The following PRMT2 variants were observed in gnomAD, a reference collection of about 807,000 sequenced individuals.
The protein encoded by PRMT2 is protein arginine N-methyltransferase 2.
In PRMT2, 26 loss-of-function variants were observed where a neutral mutation model predicts 57.6. The observed-to-expected ratio is 0.45, with a 90% CI of 0.33 to 0.63. The LOEUF is 0.63. PRMT2 is among the 20% of genes least tolerant of loss of function. The pLI is 0.02. For missense variants in PRMT2, 472 were observed against 564.4 expected (o/e 0.84, Z 1.66); for synonymous variants, 219 against 220.0 (o/e 1.00, Z 0.04).
rs535969059 is a variant in PRMT2, at chr21:46,659,145, C to T, written c.830+225C>T. 2.0e-5 allele frequency: 25 copies of T among 1,254,794 alleles called. 1 individual carries two copies. The South Asian group carries it at 3.3e-4, about 16-fold the overall frequency. 77.7% of individuals were successfully genotyped at this position (1,254,794 alleles called of 1,614,324 possible). ...GTAGAATGCAAGGAACAAAAATTTTCGTATGTGAAAAAGGTGGCATTACGA... is the reference window on the plus strand; with the variant it reads ...GTAGAATGCAAGGAACAAAAATTTTTGTATGTGAAAAAGGTGGCATTACGA... On this transcript the variant is annotated intron_variant, in intron 8 of 11. Coordinates refer to ENST00000355680, the MANE Select transcript of PRMT2 (RefSeq NM_206962.4).
intron 7 of PRMT2, chr21:46,653,279 A>C: frequency 1.0e-6 from 1 of 985,418 alleles, no homozygotes. Flanking sequence ...GAGCTTAACG[A>C]AAGTCTTTAT....
At chr21:46,661,976 G>A in intron 10 of PRMT2, 40 bp downstream of exon 10, 1 of 1,054,954 alleles carries the variant, frequency 9.5e-7, no homozygotes, top group Non-Finnish European at 1.2e-6. Context: ...CGGGGTGGGG[G>A]GCAGGGGAGT....
rs2061405839 is a variant in PRMT2 at position 46,648,836 on chromosome 21, C to T, written c.489+217C>T. 1.3e-5 allele frequency among the ~76,000 whole-genome samples: 2 copies of T among 152,212 alleles called. No homozygotes were observed. Among genetic ancestry groups the T allele is most frequent in the South Asian group, 2.1e-4 (1 of 4,834 alleles). ...GCCGTGGCGCCCGCGTACAATGAGT[C>T]GCAGACAGCACAGACGGGAGTAGGG... On this transcript the variant is annotated intron_variant, in intron 6 of 11. Coordinates refer to ENST00000355680, the MANE Select transcript of PRMT2 (RefSeq NM_206962.4). The surrounding 1 kb of genome is among the most constrained non-coding windows in gnomAD (Gnocchi z 4.8).
Position 46,648,777 on chromosome 21 carries a change from T to TA in PRMT2, c.489+162dup. Reference sequence around the variant, plus strand: ...CCCTGCACGTGGGGCTCAGGGTCGGTAAAATAGCAGTGCGTGGAGACCGCG... The same window carrying TA: ...CCCTGCACGTGGGGCTCAGGGTCGGTAAAAATAGCAGTGCGTGGAGACCGCG... On this transcript the variant is annotated intron_variant, in intron 6 of 11. Transcript: ENST00000355680. This position sits in a 1 kb window ranked among gnomAD's most constrained non-coding sequence, Gnocchi z 4.8. 6.6e-6 allele frequency among the ~76,000 whole-genome samples: 1 copy of TA among 152,182 alleles called. No individual in the cohort carries two copies. Among genetic ancestry groups the TA allele is most frequent in the African/African-American group, 2.4e-5 (1 of 41,522 alleles).
At position 46,643,544 on chromosome 21, in the gene PRMT2, C is replaced by T; in HGVS notation, c.49C>T (p.Pro17Ser). ...CCTTGGCTTTGAGCAGGGAGAAGAG[C>T]CTGCTGAGTGCAGTGAGGCCGGTCT... ...CPRSESQGEE[P>S]AECSEAGLLQ... The change falls in exon 4 of 12, where the codon CCT becomes TCT. Residue 17 changes from proline (P) to serine (S), a missense_variant. By Grantham distance (74) the Pro-to-Ser change is moderately conservative. Transcript: ENST00000355680. The T allele has an allele frequency of 6.3e-7, 1 of 1,591,760 alleles. No individual in the cohort carries two copies. The highest frequency in any genetic ancestry group is 8.5e-7 in the Non-Finnish European group (1 of 1,171,442).
At chr21:46,643,017 ACT>A (rs2061303131) in intron 3 of PRMT2, among the ~76,000 whole-genome samples, 1 of 131,106 alleles carries the variant, frequency 7.6e-6, no homozygotes, top group Non-Finnish European at 1.6e-5. Flanking sequence ...ACAGAGCAAG[ACT>A]CTGTCTCAAA....
intron 4 of PRMT2, 91 bp downstream of exon 4, chr21:46,643,730 A>T: frequency 7.0e-7 from 1 of 1,434,872 alleles, no homozygotes; most frequent in African/African-American, 1.4e-5. Flanking sequence ...CCAAAGTTAA[A>T]TGAAGAGGTA....
intron 7 of PRMT2, chr21:46,652,251 G>A (rs2061470888): frequency 2.7e-5 from 37 of 1,349,998 alleles, no homozygotes; most frequent in Admixed American, 3.3e-5. Context: ...TTTGTTGTTA[G>A]GATGGGAAAG....
chr21:46,652,911 C>T (rs971791148), intron 7 of PRMT2: 1 of 1,302,718 alleles, frequency 7.7e-7, no homozygotes, highest in South Asian at 1.2e-5. Context: ...GTTGCACACT[C>T]AGCAGTCTCC....
chr21:46,654,960 G>C, intron 7 of PRMT2: 1 of 977,910 alleles, frequency 1.0e-6, no homozygotes, highest in Non-Finnish European at 1.2e-6. Context: ...AAGCAAAGAA[G>C]GTCCATGAAA....
At chr21:46,663,704 G>T in intron 11 of PRMT2, 150 bp downstream of exon 11, 2 of 799,634 alleles carry the variant, frequency 2.5e-6, no homozygotes, top group Non-Finnish European at 3.9e-6. Flanking sequence ...GAAAGCGCCT[G>T]TTGTCATTGG....
intron 4 of PRMT2, 97 bp downstream of exon 4, chr21:46,643,736 AG>A: frequency 7.1e-7 from 1 of 1,413,786 alleles, no homozygotes; most frequent in South Asian, 1.5e-5. Flanking sequence ...TTAAATGAAG[AG>A]GTATTCAGAT....
intron 7 of PRMT2, chr21:46,654,095 C>G: frequency 3.0e-6 from 3 of 985,566 alleles, no homozygotes; most frequent in Non-Finnish European, 3.6e-6. Flanking sequence ...TCCTCCTTCC[C>G]AGCAGCTGGA....
chr21:46,636,454 A>G lies in PRMT2; in HGVS notation c.-150A>G, dbSNP rs2061173367. 1 of 154,688 alleles carries G rather than the reference A, an allele frequency of 6.5e-6. No individual in the cohort carries two copies. The allele number at this position is 154,688 out of a possible 1,614,324, so 9.6% of individuals were successfully genotyped here. ...TTGATCCCAGAGCAGTGTGTGGATT[A>G]CACTATCACTGGAAAAATACGAATT... On this transcript the variant is annotated 5_prime_UTR_variant, in exon 2 of 12. Coordinates refer to ENST00000355680, the MANE Select transcript of PRMT2 (RefSeq NM_206962.4).
chr21:46,654,133 G>T, intron 7 of PRMT2: 2 of 985,222 alleles, frequency 2.0e-6, no homozygotes, highest in South Asian at 4.7e-5. Flanking sequence ...AAATTTTTTT[G>T]ATGAAATTAT....
At position 46,649,800 on chromosome 21, in the gene PRMT2, G is replaced by A. The variant is rs768254358; in HGVS notation, c.654+61G>A. ...CTGGGGGGCTTCTGAGCACGGGCTC[G>A]GCTGGGCCAACCTCAGGATCTCAAG... On this transcript the variant is annotated intron_variant, in intron 7 of 11. Coordinates refer to ENST00000355680, the MANE Select transcript of PRMT2 (RefSeq NM_206962.4). This position sits in a 1 kb window ranked among gnomAD's most constrained non-coding sequence, Gnocchi z 4.8. 26 of 1,573,724 alleles carry A rather than the reference G, an allele frequency of 1.7e-5. No individual in the cohort carries two copies. The highest frequency in any genetic ancestry group is 6.9e-5 in the South Asian group (6 of 86,974).
At position 46,643,491 on chromosome 21, in the gene PRMT2, A is replaced by AG. The variant is rs1601921606; in HGVS notation, c.40-44_40-43insG. On this transcript the variant is annotated intron_variant, in intron 3 of 11. Transcript: ENST00000355680. ...TAATATAGCCAAAAAAAAAAAAAAA[A>AG]AGCTCCAGCGTCCTCTCCTCACGCT... 4.9e-6 allele frequency: 7 copies of AG among 1,422,054 alleles called. No individual in the cohort carries two copies. In the South Asian group the frequency reaches 1.2e-4, roughly 24 times the overall value. 88.1% of individuals were successfully genotyped at this position (1,422,054 alleles called of 1,614,324 possible). A position where few individuals can be genotyped will look rare whatever the true frequency, so the allele number is the denominator to read the frequency against.
intron 1 of PRMT2, chr21:46,636,006 T>G (rs1238349928): frequency 6.5e-6 from 1 of 152,754 alleles, no homozygotes; most frequent in African/African-American, 2.4e-5. Flanking sequence ...TCCAGCGCCT[T>G]CTACGGCCAC....
chr21:46,638,960 C>G (rs952227883), intron 3 of PRMT2, among the ~76,000 whole-genome samples: 9 of 152,104 alleles, frequency 5.9e-5, no homozygotes, highest in African/African-American at 2.2e-4. Context: ...GAGAGGGAAG[C>G]TTAGATAATT....
Sources: allele counts gnomAD v4.1 joint callset (sites outside exome capture counted in the v4.1 genomes callset), GRCh38; gene constraint gnomAD v4.1.1; non-coding constraint Gnocchi (gnomAD v3.1); transcripts MANE v1.5; gene names NCBI Gene and HGNC (gene_info 2026-07-23, HGNC 2026-07-21).